WDR72: variants seen among roughly 807,000 people sequenced by gnomAD.
WDR72 encodes WD repeat domain 72, also known as WD repeat-containing protein 72.
A neutral mutation model predicts 124.2 loss-of-function variants in WDR72; 120 were observed. That is an observed-to-expected ratio of 0.97 (90% CI 0.83 to 1.12). The LOEUF is 1.12. WDR72 is among the 50% of genes most tolerant of loss of function. The pLI is 0.00. For missense variants in WDR72, 1,387 were observed against 1,278.8 expected, an observed-to-expected ratio of 1.08 and a Z score of -1.29; for synonymous variants, 452 against 441.7, an observed-to-expected ratio of 1.02 and a Z score of -0.29.
intron 1 of WDR72, among the ~76,000 whole-genome samples, chr15:53,744,183 A>C (rs1296870652): frequency 1.3e-5 from 2 of 152,200 alleles, no homozygotes; most frequent in African/African-American, 4.8e-5. Context: ...GCCATCGTAC[A>C]TAATGAGCTA....
intron 14 of WDR72, among the ~76,000 whole-genome samples, chr15:53,635,687 TG>T (rs1232204620): frequency 6.6e-6 from 1 of 151,848 alleles, no homozygotes; most frequent in Non-Finnish European, 1.5e-5. Context: ...TGTGGACTAC[TG>T]GGGGGGATGG....
In WDR72 at chr15:53,723,847, C is replaced by T. The variant is rs755802694; in HGVS notation, c.154-939G>A. On this transcript the variant is annotated intron_variant, in intron 2 of 19. Coordinates refer to ENST00000360509, the MANE Select transcript of WDR72 (RefSeq NM_182758.4). ...AATGACAAGGGAAAAAGTCAGTACA[C>T]GTTTAGTACAGATGCAATCCTCTTT... Among the ~76,000 whole-genome samples the T allele has an allele frequency of 3.9e-5, 6 of 152,128 alleles. No homozygotes were observed. The South Asian group carries it at 8.3e-4, about 21-fold the overall frequency.
chr15:53,702,739 A>G (rs1055846544), intron 11 of WDR72, among the ~76,000 whole-genome samples: 14 of 152,214 alleles, frequency 9.2e-5, no homozygotes, highest in African/African-American at 3.1e-4. Context: ...TAGGTGTGGT[A>G]GCTCGCACCT....
chr15:53,699,901 G>C lies in WDR72; in HGVS notation c.1614C>G (p.Ser538=). The change falls in exon 13 of 20, where the codon TCC becomes TCG. Residue 538 remains serine, a synonymous_variant. Transcript: ENST00000360509. ...QIICCVCGDH[S]VALLHLEGKS... is the part of the protein sequence containing the mutation. The stretch of plus-strand genomic sequence containing the variant: ...TTCCCTCAAGGTGAAGGAGAGCCAC[G>C]GAATGGTCACCGCACACACAGCAAA... 7 of 1,614,138 alleles carry C rather than the reference G, an allele frequency of 4.3e-6. No homozygotes were observed. The highest frequency in any genetic ancestry group is 5.1e-6 in the Non-Finnish European group (6 of 1,180,032).
chr15:53,660,406 A>T (rs1447694325), intron 14 of WDR72, among the ~76,000 whole-genome samples: 3 of 152,166 alleles, frequency 2.0e-5, no homozygotes, highest in East Asian at 3.8e-4. Flanking sequence ...GTGTCATAAA[A>T]TATAAAAGAA....
chr15:53,745,157 G>GA (rs34318812), intron 1 of WDR72, among the ~76,000 whole-genome samples: 4 of 149,422 alleles, frequency 2.7e-5, no homozygotes, highest in Admixed American at 6.7e-5. Flanking sequence ...CTATAAAATG[G>GA]AAAAAAAAAA....
chr15:53,690,191 ATG>A (rs2016792593), intron 13 of WDR72, among the ~76,000 whole-genome samples: 2 of 152,028 alleles, frequency 1.3e-5, no homozygotes, highest in Non-Finnish European at 2.9e-5. Flanking sequence ...CAATGTGCAC[ATG>A]TACCCTAAAA....
At chr15:53,613,796 A>G in intron 15 of WDR72, 39 bp from the exon 16 acceptor site, 1 of 1,380,360 alleles carries the variant, frequency 7.2e-7, no homozygotes. Context: ...ACTAAAAAGC[A>G]TGAAAAATTA....
At chr15:53,617,336 A>C (rs1005760484) in intron 14 of WDR72, among the ~76,000 whole-genome samples, 3 of 151,738 alleles carry the variant, frequency 2.0e-5, no homozygotes, top group Non-Finnish European at 4.4e-5. Flanking sequence ...TGTTAACAAT[A>C]GTTAACATTT....
Position 53,675,449 on chromosome 15 carries a change from G to A in WDR72, c.1766-9681C>T, listed in dbSNP as rs538955429. ...AAGAGGTAGATATTCACAGCCAAGT[G>A]TTTCTTAAGTATAACGTAAAGAATA... On this transcript the variant is annotated intron_variant, in intron 13 of 19. Coordinates refer to ENST00000360509, the MANE Select transcript of WDR72 (RefSeq NM_182758.4). Among the ~76,000 whole-genome samples the A allele has an allele frequency of 9.9e-5, 15 of 152,008 alleles. No individual in the cohort carries two copies. The South Asian group carries it at 2.9e-3, about 30-fold the overall frequency.
intron 5 of WDR72, among the ~76,000 whole-genome samples, chr15:53,714,862 T>C (rs957881691): frequency 1.3e-5 from 2 of 152,172 alleles, no homozygotes; most frequent in Admixed American, 1.3e-4. Context: ...ATCTAGAAGA[T>C]ACAGCAGGGC....
intron 18 of WDR72, among the ~76,000 whole-genome samples, chr15:53,580,486 G>C (rs769999737): frequency 7.9e-5 from 12 of 152,038 alleles, no homozygotes; most frequent in South Asian, 4.1e-4. Context: ...CCTGAACTGA[G>C]TCCATGCCAG....
chr15:53,578,137 G>C (rs1034504657), intron 18 of WDR72, among the ~76,000 whole-genome samples: 1 of 152,028 alleles, frequency 6.6e-6, no homozygotes, highest in South Asian at 2.1e-4. Flanking sequence ...AGTATGTACT[G>C]GGTACCCAGC....
At chr15:53,591,587 G>A (rs1002245439) in intron 18 of WDR72, among the ~76,000 whole-genome samples, 1 of 151,650 alleles carries the variant, frequency 6.6e-6, no homozygotes, top group Non-Finnish European at 1.5e-5. Flanking sequence ...CACGCTATTA[G>A]CATATCAACA....
intron 9 of WDR72, among the ~76,000 whole-genome samples, chr15:53,706,520 A>T (rs1220260726): frequency 1.3e-5 from 2 of 151,324 alleles, no homozygotes; most frequent in African/African-American, 4.8e-5. Flanking sequence ...TGGAATGAAG[A>T]GATTGATTTG....
At chr15:53,688,618 C>T (rs531911931) in intron 13 of WDR72, among the ~76,000 whole-genome samples, 46 of 152,094 alleles carry the variant, frequency 3.0e-4, no homozygotes, top group Non-Finnish European at 4.4e-4. Flanking sequence ...GAATCAATAT[C>T]GTGAAAATGG....
intron 18 of WDR72, among the ~76,000 whole-genome samples, chr15:53,570,406 C>T (rs1894475552): frequency 1.3e-5 from 2 of 151,470 alleles, no homozygotes; most frequent in South Asian, 2.1e-4. Context: ...AAATGAAAAA[C>T]GCCATTCAAA....
At chr15:53,693,936 G>T (rs1282958470) in intron 13 of WDR72, among the ~76,000 whole-genome samples, 1 of 152,142 alleles carries the variant, frequency 6.6e-6, no homozygotes, top group Non-Finnish European at 1.5e-5. Context: ...TTTCTGCTCA[G>T]TGTTACACAG....
At chr15:53,661,156 A>G (rs2015596245) in intron 14 of WDR72, among the ~76,000 whole-genome samples, 1 of 152,214 alleles carries the variant, frequency 6.6e-6, no homozygotes, top group Admixed American at 6.5e-5. Flanking sequence ...CTGCAAAGCC[A>G]AAAATATGTA....
Sources: gnomAD v4.1 joint callset for allele counts (sites outside exome capture counted in the v4.1 genomes callset) on GRCh38, gnomAD v4.1.1 for gene constraint, MANE v1.5 for transcripts, NCBI Gene and HGNC (gene_info 2026-07-23, HGNC 2026-07-21) for gene names.